WDR81: variants seen among roughly 807,000 people sequenced by gnomAD.
WDR81 encodes the protein WD repeat domain 81.
In WDR81, 92 loss-of-function variants were observed where a neutral mutation model predicts 140.8. The ratio of observed to expected loss-of-function variants is 0.65; its 90% CI spans 0.55 to 0.78. The LOEUF is 0.78. WDR81 is among the 30% of genes least tolerant of loss of function. The pLI, the probability that WDR81 is intolerant of heterozygous loss-of-function variation, is 0.00. For synonymous variants in WDR81, 1,183 were observed against 1,156.4 expected, an observed-to-expected ratio of 1.02 and a Z score of -0.47; for missense variants, 2,502 against 2,636.4, an observed-to-expected ratio of 0.95 and a Z score of 1.12.
Position 1,735,947 on chromosome 17 carries a change from C to G in WDR81, c.5326-92C>G. 6.7e-7 allele frequency: 1 copy of G among 1,499,126 alleles called. No homozygotes were observed. The highest frequency in any genetic ancestry group is 8.9e-7 in the Non-Finnish European group (1 of 1,125,952). 92.9% of individuals were successfully genotyped at this position (1,499,126 alleles called of 1,614,324 possible). On this transcript the variant is annotated intron_variant, in intron 8 of 9. Coordinates refer to ENST00000409644, the MANE Select transcript of WDR81 (RefSeq NM_001163809.2). This position sits in a 1 kb window ranked among gnomAD's most constrained non-coding sequence, Gnocchi z 4.2. ...CCTGATGAGGGTCAGAGGCTCAGGC[C>G]TTCCTGCTGTGTGGGCTTGGGTGGT...
At position 1,737,589 on chromosome 17, in the gene WDR81, GAA is replaced by G. The variant is rs1567730606; in HGVS notation, c.5731_5732del (p.Asn1911LeufsTer14). ...AGGCCACCACGAAGCTCAGCTCTGA[GAA>G]CTTCCGCGGCACGCTCACCAGCCTG... is the stretch of plus-strand genomic sequence containing the variant. ...SQATTKLSSE[N>X]FRGTLTSLAL... is the part of the protein sequence containing the mutation. On this transcript the variant is annotated frameshift_variant, in exon 10 of 10. Coordinates refer to ENST00000409644, the MANE Select transcript of WDR81 (RefSeq NM_001163809.2). LOFTEE classifies it high-confidence loss of function. The G allele has an allele frequency of 6.2e-7, 1 of 1,612,802 alleles. No homozygotes were observed. Among genetic ancestry groups the G allele is most frequent in the Admixed American group, 1.7e-5 (1 of 60,016 alleles).
chr17:1,735,529 T>C lies in WDR81; in HGVS notation c.5180-43T>C. 1.3e-6 allele frequency: 2 copies of C among 1,539,334 alleles called. No individual in the cohort carries two copies. The highest frequency in any genetic ancestry group is 2.5e-5 in the South Asian group (2 of 80,530). ...ATTAGAAGCTCCCAGGGCTCTTCCG[T>C]CAGCTGCTGGGACCCCAGATCCACT... On this transcript the variant is annotated intron_variant, in intron 7 of 9. Transcript: ENST00000409644. This position sits in a 1 kb window ranked among gnomAD's most constrained non-coding sequence, Gnocchi z 4.2.
chr17:1,737,555 C>T lies in WDR81; in HGVS notation c.5696C>T (p.Pro1899Leu), dbSNP rs760830299. ...ATTGGCGTCTGCTCCCTGCTTGAGC[C>T]ACCCTCGCAGGCCACCACGAAGCTC... Reference protein sequence around the residue: ...NKIGVCSLLEPPSQATTKLSS... With the variant: ...NKIGVCSLLELPSQATTKLSS... The change falls in exon 10 of 10, where the codon CCA becomes CTA. Residue 1899 changes from proline (P) to leucine (L), a missense_variant. Physicochemically the swap from Pro to Leu is moderately conservative, Grantham distance 98 (BLOSUM62 -3). Around this residue, in one of 3 missense-constraint regions of WDR81, gnomAD observed 1,737 missense variants for 1,843.0 expected, o/e 0.94. Coordinates refer to ENST00000409644, the MANE Select transcript of WDR81 (RefSeq NM_001163809.2). 6.2e-7 allele frequency: 1 copy of T among 1,612,846 alleles called. No homozygotes were observed. The highest frequency in any genetic ancestry group is 2.2e-5 in the East Asian group (1 of 44,900).
intron 2 of WDR81, 59 bp from the exon 3 acceptor site, chr17:1,730,696 G>T: frequency 6.5e-7 from 1 of 1,540,754 alleles, no homozygotes; most frequent in African/African-American, 1.4e-5. Flanking sequence ...AGCCCTGCAG[G>T]GCCAGGCTAC....
Position 1,728,584 on chromosome 17 carries a change from C to T in WDR81, c.3625C>T (p.Leu1209=). ...AGATGGAGAAGAAGAGGAGGAGGCACTGCCTGAGCAGTCAGAAGGCAAAGA... is the reference window on the plus strand; with the variant it reads ...AGATGGAGAAGAAGAGGAGGAGGCATTGCCTGAGCAGTCAGAAGGCAAAGA... The part of the protein sequence containing the change: ...GGDGEEEEEA[L]PEQSEGKEQK... Residue 1209 remains leucine, a synonymous_variant, in exon 1 of 10, where the codon CTG becomes TTG. Transcript: ENST00000409644. The T allele has an allele frequency of 3.3e-6, 5 of 1,495,592 alleles. No homozygotes were observed. Among genetic ancestry groups the T allele is most frequent in the Non-Finnish European group, 4.5e-6 (5 of 1,115,464 alleles). 92.6% of individuals were successfully genotyped at this position (1,495,592 alleles called of 1,614,324 possible).
intron 1 of WDR81, chr17:1,716,832 C>T: frequency 1.6e-6 from 1 of 642,650 alleles, no homozygotes; most frequent in Non-Finnish European, 2.7e-6. Context: ...CGTCAGCCCC[C>T]AGGGCAGCAG....
intron 9 of WDR81, 49 bp from the exon 10 acceptor site, chr17:1,737,316 T>C (rs756662022): frequency 2.9e-5 from 44 of 1,534,674 alleles, no homozygotes; most frequent in Middle Eastern, 1.7e-4. Flanking sequence ...GGCCCAAGGG[T>C]ATGCAGAAGG....
rs746252411 is a variant in WDR81 at position 1,734,064 on chromosome 17, C to T, written c.5027C>T (p.Pro1676Leu). 2.4e-5 allele frequency: 39 copies of T among 1,607,166 alleles called. No individual in the cohort carries two copies. The highest frequency in any genetic ancestry group is 6.7e-5 in the East Asian group (3 of 44,884). The change falls in exon 7 of 10, where the codon CCG becomes CTG. Residue 1676 changes from proline (P) to leucine (L), a missense_variant. Around this residue, in one of 3 missense-constraint regions of WDR81, gnomAD observed 1,737 missense variants for 1,843.0 expected, o/e 0.94. Coordinates refer to ENST00000409644, the MANE Select transcript of WDR81 (RefSeq NM_001163809.2). ...GSKDRTVRLW[P>L]LYNYGDGTSE... ...AAGGATCGTACCGTGCGCCTCTGGC[C>T]GCTGTACAACTACGGCGACGGGACC...
Position 1,735,888 on chromosome 17 carries a change from G to A in WDR81, c.5326-151G>A. The A allele has an allele frequency of 7.3e-7, 1 of 1,371,748 alleles. No individual in the cohort carries two copies. Among genetic ancestry groups the A allele is most frequent in the South Asian group, 1.5e-5 (1 of 68,838 alleles). The allele number at this position is 1,371,748 out of a possible 1,614,324, so 85.0% of individuals were successfully genotyped here. A position where few individuals can be genotyped will look rare whatever the true frequency, so the allele number is the denominator to read the frequency against. ...ATCCTGCGGGGCAGGACTCTGGCCTGTGATGGGGGTGGGGTTCTGGGCTTT... is the reference window on the plus strand; with the variant it reads ...ATCCTGCGGGGCAGGACTCTGGCCTATGATGGGGGTGGGGTTCTGGGCTTT... On this transcript the variant is annotated intron_variant, in intron 8 of 9. Transcript: ENST00000409644. This position sits in a 1 kb window ranked among gnomAD's most constrained non-coding sequence, Gnocchi z 4.2.
In WDR81 at chr17:1,725,732, C is replaced by A; in HGVS notation, c.773C>A (p.Ala258Asp). Residue 258 changes from alanine (A) to aspartate (D), a missense_variant, in exon 1 of 10, where the codon GCC becomes GAC. By Grantham distance (126) the Ala-to-Asp change is moderately radical. Coordinates refer to ENST00000409644, the MANE Select transcript of WDR81 (RefSeq NM_001163809.2). ...CCTGCCAAGCTGACCAACAGCCAGG[C>A]CAAGGTGCTGTTCATTCTCTTCCGC... Reference protein sequence around the residue: ...FSPAKLTNSQAKVLFILFRVL... With the variant: ...FSPAKLTNSQDKVLFILFRVL... 1 of 1,550,556 alleles carries A rather than the reference C, an allele frequency of 6.4e-7. No homozygotes were observed. The highest frequency in any genetic ancestry group is 8.7e-7 in the Non-Finnish European group (1 of 1,147,050).
chr17:1,730,729 C>G, intron 2 of WDR81, 26 bp from the exon 3 acceptor site: 1 of 1,590,320 alleles, frequency 6.3e-7, no homozygotes, highest in Non-Finnish European at 8.6e-7. Context: ...ACTGGCGACT[C>G]AGGGCTGCTG....
At position 1,725,382 on chromosome 17, in the gene WDR81, G is replaced by A; in HGVS notation, c.423G>A (p.Glu141=). 6.5e-7 allele frequency: 1 copy of A among 1,549,594 alleles called. No individual in the cohort carries two copies. The highest frequency in any genetic ancestry group is 8.7e-7 in the Non-Finnish European group (1 of 1,146,994). ...GPETLTRFMQ[E]VAAQNYRNLW... is the part of the protein sequence containing the mutation. The stretch of plus-strand genomic sequence containing the variant: ...AGACCCTCACTCGCTTCATGCAGGA[G>A]GTTGCCGCCCAGAATTATCGCAACC... The change falls in exon 1 of 10, where the codon GAG becomes GAA. Residue 141 remains glutamate, a synonymous_variant. Coordinates refer to ENST00000409644, the MANE Select transcript of WDR81 (RefSeq NM_001163809.2).
upstream of WDR81, chr17:1,724,654 G>C: frequency 9.7e-7 from 1 of 1,034,694 alleles, no homozygotes; most frequent in Non-Finnish European, 1.2e-6. Flanking sequence ...CCGGGCCTCT[G>C]GAGCCACGTG....
In WDR81 at chr17:1,737,753, C is replaced by T. The variant is rs1249869178; in HGVS notation, c.*68C>T. 2.0e-6 allele frequency: 3 copies of T among 1,500,058 alleles called. No individual in the cohort carries two copies. Among genetic ancestry groups the T allele is most frequent in the Non-Finnish European group, 2.7e-6 (3 of 1,126,860 alleles). 92.9% of individuals were successfully genotyped at this position (1,500,058 alleles called of 1,614,324 possible). On this transcript the variant is annotated 3_prime_UTR_variant, in exon 10 of 10. Transcript: ENST00000409644. Reference sequence around the variant, plus strand: ...CGGGCGCGTGTCCACTCACCCTGTTCCCTGAGCAGCAGCTCCCTCCAGGGA... The same window carrying T: ...CGGGCGCGTGTCCACTCACCCTGTTTCCTGAGCAGCAGCTCCCTCCAGGGA...
At chr17:1,731,421 G>C (rs1039985289) in intron 4 of WDR81, among the ~76,000 whole-genome samples, 163 bp downstream of exon 4, 1 of 152,226 alleles carries the variant, frequency 6.6e-6, no homozygotes. Flanking sequence ...CCCTTTTCCT[G>C]TGCCTCAGTT....
In WDR81 at chr17:1,738,264, G is replaced by A. The variant is rs776591866; in HGVS notation, c.*579G>A. The A allele has an allele frequency of 6.9e-4, 109 of 159,022 alleles. No individual in the cohort carries two copies. The highest frequency in any genetic ancestry group is 1.1e-3 in the Non-Finnish European group (77 of 71,934). 9.9% of individuals were successfully genotyped at this position (159,022 alleles called of 1,614,324 possible). A position where few individuals can be genotyped will look rare whatever the true frequency, so the allele number is the denominator to read the frequency against. On this transcript the variant is annotated 3_prime_UTR_variant, in exon 10 of 10. Coordinates refer to ENST00000409644, the MANE Select transcript of WDR81 (RefSeq NM_001163809.2). ...GGGACGGGAAGGAAGAAGGAGGCTA[G>A]GAGCAGGGGGAAAAGGTGCACTTGG...
chr17:1,725,982 C>A lies in WDR81; in HGVS notation c.1023C>A (p.Gly341=). The A allele has an allele frequency of 6.5e-7, 1 of 1,549,504 alleles. No individual in the cohort carries two copies. The highest frequency in any genetic ancestry group is 1.7e-4 in the Middle Eastern group (1 of 5,990). ...EQGGQPGQPT[G]QEELRSLVLD... is the part of the protein sequence containing the mutation. ...GAGGGCAACCTGGGCAACCCACTGG[C>A]CAGGAGGAACTTCGGAGCCTCGTGC... The change falls in exon 1 of 10, where the codon GGC becomes GGA. Residue 341 remains glycine, a synonymous_variant. Coordinates refer to ENST00000409644, the MANE Select transcript of WDR81 (RefSeq NM_001163809.2).
At chr17:1,716,956 G>A in intron 1 of WDR81, 1 of 471,996 alleles carries the variant, frequency 2.1e-6, no homozygotes, top group East Asian at 3.6e-5. Context: ...TTTCTTGGAT[G>A]TCTCTTCCCA....
chr17:1,728,340 G>A lies in WDR81; in HGVS notation c.3381G>A (p.Glu1127=). Residue 1127 remains glutamate, a synonymous_variant, in exon 1 of 10, where the codon GAG becomes GAA. Coordinates refer to ENST00000409644, the MANE Select transcript of WDR81 (RefSeq NM_001163809.2). ...TSLGEERAPD[E]GGAPVDKSSL... is the part of the protein sequence containing the mutation. Reference sequence around the variant, plus strand: ...TGGGTGAGGAGCGGGCTCCAGACGAGGGGGGTGCCCCCGTGGACAAGAGCA... The same window carrying A: ...TGGGTGAGGAGCGGGCTCCAGACGAAGGGGGTGCCCCCGTGGACAAGAGCA... 6.2e-7 allele frequency: 1 copy of A among 1,612,864 alleles called. No homozygotes were observed.
Sources: gnomAD v4.1 joint callset for allele counts (sites outside exome capture counted in the v4.1 genomes callset) on GRCh38, gnomAD v4.1.1 for gene constraint, gnomAD v4.1.1 regional missense constraint, Gnocchi (gnomAD v3.1) non-coding constraint, MANE v1.5 for transcripts, NCBI Gene and HGNC (gene_info 2026-07-23, HGNC 2026-07-21) for gene names.